Variants in ZDBF2 observed in about 807,000 individuals in gnomAD.
ZDBF2 encodes the protein DBF4-type zinc finger-containing protein 2.
ZDBF2 carries 6 observed loss-of-function variants against 9.4 expected under a neutral mutation model. The observed-to-expected ratio is 0.64, with a 90% CI of 0.35 to 1.27. The LOEUF is 1.27. Among genes scored for constraint, ZDBF2 ranks in the 50% most tolerant of loss-of-function variants. ZDBF2 has a pLI of 0.03. For missense variants in ZDBF2, 2,697 were observed against 2,766.8 expected (o/e 0.97, Z 0.57); for synonymous variants, 905 against 946.3 (o/e 0.96, Z 0.80).
chr2:206,290,644 A>T (rs762803424), intron 3 of ZDBF2, among the ~76,000 whole-genome samples: 10 of 152,052 alleles, frequency 6.6e-5, no homozygotes, highest in Non-Finnish European at 1.5e-4. Context: ...TTCATTTTGG[A>T]TTGTTTATTG....
chr2:206,299,163 G>A (rs988176109), intron 4 of ZDBF2, among the ~76,000 whole-genome samples: 12 of 152,128 alleles, frequency 7.9e-5, no homozygotes, highest in Non-Finnish European at 1.5e-4. Context: ...TTACAGGCGT[G>A]AGCCAACACG....
Position 206,310,827 on chromosome 2 carries a change from A to G in ZDBF2, c.6299A>G (p.Gln2100Arg), listed in dbSNP as rs767732504. The part of the protein sequence containing the change: ...SSAGDNDADG[Q>R]GSASAPLMAV... ...GCAGGAGATAATGATGCTGATGGAC[A>G]AGGCTCTGCTTCAGCGCCTTTAATG... Residue 2100 changes from glutamine (Q) to arginine (R), a missense_variant, in exon 5 of 5, where the codon CAA (glutamine) becomes CGA (arginine). This residue lies in a region of ZDBF2 where 1,783 missense variants were observed against 1,776.5 expected (regional missense o/e 1.00). Transcript: ENST00000374423. 6.2e-7 allele frequency: 1 copy of G among 1,614,002 alleles called. No homozygotes were observed.
intron 4 of ZDBF2, among the ~76,000 whole-genome samples, chr2:206,301,594 TA>T (rs937683741): frequency 2.6e-5 from 4 of 151,964 alleles, no homozygotes; most frequent in Non-Finnish European, 5.9e-5. Flanking sequence ...TTCCTTGATT[TA>T]AAAAAAATCC....
Position 206,309,475 on chromosome 2 carries a change from A to G in ZDBF2, c.4947A>G (p.Lys1649=), listed in dbSNP as rs1693022591. Residue 1649 remains lysine (K), a synonymous_variant, in exon 5 of 5, where the codon AAA becomes AAG. Transcript: ENST00000374423. ...ESQGPDEKMV[K]YIDSEDKSCG... ...AAGGACCTGATGAGAAAATGGTGAA[A>G]TATATTGATTCAGAAGATAAGAGCT... 1 of 1,613,820 alleles carries G rather than the reference A, an allele frequency of 6.2e-7. No homozygotes were observed. The highest frequency in any genetic ancestry group is 8.5e-7 in the Non-Finnish European group (1 of 1,179,882).
chr2:206,307,073 AAAG>A lies in ZDBF2; in HGVS notation c.2549_2551del (p.Glu850del). ...AAATGATCACCCTGAAGTAGCTGTT[AAAG>A]AAGTAATTCAGAAAGAAGAGTACAT... On this transcript the variant is annotated inframe_deletion, in exon 5 of 5. Transcript: ENST00000374423. The A allele has an allele frequency of 6.2e-7, 1 of 1,611,846 alleles. No individual in the cohort carries two copies. Among genetic ancestry groups the A allele is most frequent in the Non-Finnish European group, 8.5e-7 (1 of 1,179,224 alleles).
chr2:206,304,864 A>T lies in ZDBF2; in HGVS notation c.336A>T (p.Glu112Asp). Residue 112 changes from glutamate (E) to aspartate (D), a missense_variant, in exon 5 of 5, where the codon GAA becomes GAT. Around this residue, in one of 3 missense-constraint regions of ZDBF2, gnomAD observed 910 missense variants for 973.6 expected, o/e 0.93. Coordinates refer to ENST00000374423, the MANE Select transcript of ZDBF2 (RefSeq NM_020923.3). ...AAGAGAGACCATCCGAGGTTTCAGA[A>T]CCTATTGAAGAGTTACATTCCAGAC... ...ATEERPSEVSEPIEELHSRPH... is the reference protein window; with the variant it reads ...ATEERPSEVSDPIEELHSRPH... The T allele has an allele frequency of 6.2e-7, 1 of 1,613,762 alleles. No homozygotes were observed. Among genetic ancestry groups the T allele is most frequent in the Non-Finnish European group, 8.5e-7 (1 of 1,179,790 alleles).
intron 3 of ZDBF2, among the ~76,000 whole-genome samples, chr2:206,296,212 T>G (rs1692169800): frequency 6.6e-6 from 1 of 152,176 alleles, no homozygotes; most frequent in Admixed American, 6.5e-5. Context: ...AAATATTAAA[T>G]GGAAAATTCC....
chr2:206,309,304 A>C lies in ZDBF2; in HGVS notation c.4776A>C (p.Ser1592=). 6.2e-7 allele frequency: 1 copy of C among 1,612,548 alleles called. No homozygotes were observed. Among genetic ancestry groups the C allele is most frequent in the Non-Finnish European group, 8.5e-7 (1 of 1,179,318 alleles). ...VRCNCKASTP[S]MTNQCKETFK... ...GTAATTGTAAAGCCTCTACTCCCTC[A>C]ATGACAAACCAATGCAAAGAGACTT... The change falls in exon 5 of 5, where the codon TCA becomes TCC. Residue 1592 remains serine (S), a synonymous_variant. Transcript: ENST00000374423.
chr2:206,280,551 T>C (rs1193370563), intron 2 of ZDBF2, among the ~76,000 whole-genome samples: 1 of 152,204 alleles, frequency 6.6e-6, no homozygotes, highest in African/African-American at 2.4e-5. Context: ...TTGCTGTAGG[T>C]TAATAAGTGA....
At chr2:206,300,572 G>A (rs1369216581) in intron 4 of ZDBF2, among the ~76,000 whole-genome samples, 8 of 152,128 alleles carry the variant, frequency 5.3e-5, no homozygotes, top group Non-Finnish European at 1.0e-4. Context: ...TGTCATTTTG[G>A]GTGATGTTAG....
At position 206,305,714 on chromosome 2, in the gene ZDBF2, G is replaced by A; in HGVS notation, c.1186G>A (p.Glu396Lys). ...TTGGAAGGAGGAGCAAATTGACCAA[G>A]AAGATAACTATGAGTCTAGAGGTTC... ...SLWKEEQIDQEDNYESRGSEM... is the reference protein window; with the variant it reads ...SLWKEEQIDQKDNYESRGSEM... Residue 396 changes from glutamate (E) to lysine (K), a missense_variant, in exon 5 of 5, where the codon GAA becomes AAA. Glu to Lys is a moderately conservative substitution (Grantham distance 56). Transcript: ENST00000374423. 1 of 1,613,764 alleles carries A rather than the reference G, an allele frequency of 6.2e-7. No homozygotes were observed. Among genetic ancestry groups the A allele is most frequent in the Non-Finnish European group, 8.5e-7 (1 of 1,179,796 alleles).
At chr2:206,278,151 G>A (rs942785135) in intron 1 of ZDBF2, among the ~76,000 whole-genome samples, 1 of 151,908 alleles carries the variant, frequency 6.6e-6, no homozygotes, top group African/African-American at 2.4e-5. Flanking sequence ...GTTAATGGTG[G>A]GTAGATTATG....
chr2:206,306,278 G>C lies in ZDBF2; in HGVS notation c.1750G>C (p.Asp584His). 1 of 1,613,622 alleles carries C rather than the reference G, an allele frequency of 6.2e-7. No homozygotes were observed. Among genetic ancestry groups the C allele is most frequent in the Non-Finnish European group, 8.5e-7 (1 of 1,179,776 alleles). ...ATCGAGTTGTTCTGAAACAAGTTTTGATTGTGATGTTTCTCTTGAGTCAGT... is the reference window on the plus strand; with the variant it reads ...ATCGAGTTGTTCTGAAACAAGTTTTCATTGTGATGTTTCTCTTGAGTCAGT... ...YGSSCSETSFDCDVSLESVVD... is the reference protein window; with the variant it reads ...YGSSCSETSFHCDVSLESVVD... The change falls in exon 5 of 5, where the codon GAT becomes CAT. Residue 584 changes from aspartate to histidine, a missense_variant. This residue lies in a region of ZDBF2 where 910 missense variants were observed against 973.6 expected (regional missense o/e 0.93). Transcript: ENST00000374423.
rs920520982 is a variant in ZDBF2 at position 206,305,517 on chromosome 2, A to G, written c.989A>G (p.His330Arg). ...GIFEDTIAKN[H>R]EEFFSNMDCT... ...TTTGAAGATACTATTGCAAAGAACC[A>G]TGAGGAATTCTTTTCTAACATGGAT... is the stretch of plus-strand genomic sequence containing the variant. The change falls in exon 5 of 5, where the codon CAT (histidine) becomes CGT (arginine). Residue 330 changes from histidine (H) to arginine (R), a missense_variant. Around this residue, in one of 3 missense-constraint regions of ZDBF2, gnomAD observed 910 missense variants for 973.6 expected, o/e 0.93. Transcript: ENST00000374423. The G allele has an allele frequency of 4.3e-6, 7 of 1,613,450 alleles. No homozygotes were observed. The highest frequency in any genetic ancestry group is 2.2e-5 in the South Asian group (2 of 91,030).
intron 3 of ZDBF2, among the ~76,000 whole-genome samples, chr2:206,283,507 T>A (rs1420178084): frequency 1.3e-5 from 2 of 152,196 alleles, no homozygotes; most frequent in Non-Finnish European, 2.9e-5. Flanking sequence ...CATTTGTATA[T>A]CTTGTTTAGA....
chr2:206,307,752 C>T lies in ZDBF2; in HGVS notation c.3224C>T (p.Ser1075Leu). Residue 1075 changes from serine (S) to leucine (L), a missense_variant, in exon 5 of 5, where the codon TCA becomes TTA. Ser to Leu is a moderately radical substitution (Grantham distance 145). Around this residue, in one of 3 missense-constraint regions of ZDBF2, gnomAD observed 1,783 missense variants for 1,776.5 expected, o/e 1.00. Transcript: ENST00000374423. ...HVNLKDKNSK[S>L]GDSKITFDSE... ...AATCTGAAGGACAAAAACAGTAAAT[C>T]AGGTGATTCTAAAATAACTTTTGAT... 6.2e-7 allele frequency: 1 copy of T among 1,612,554 alleles called. No individual in the cohort carries two copies. The highest frequency in any genetic ancestry group is 8.5e-7 in the Non-Finnish European group (1 of 1,179,528).
intron 3 of ZDBF2, among the ~76,000 whole-genome samples, chr2:206,294,009 T>C (rs1053870964): frequency 6.6e-6 from 1 of 151,578 alleles, no homozygotes; most frequent in Non-Finnish European, 1.5e-5. Flanking sequence ...CCATCAAGAG[T>C]AGAATGAATA....
intron 3 of ZDBF2, among the ~76,000 whole-genome samples, chr2:206,285,294 A>G (rs1424144200): frequency 1.3e-5 from 2 of 152,110 alleles, no homozygotes; most frequent in Non-Finnish European, 1.5e-5. Context: ...CCTTCTCTGC[A>G]TCCTTGCCAG....
At chr2:206,282,460 C>T (rs2105900810) in intron 3 of ZDBF2, among the ~76,000 whole-genome samples, 1 of 152,206 alleles carries the variant, frequency 6.6e-6, no homozygotes, top group East Asian at 1.9e-4. Flanking sequence ...GGTATATGGG[C>T]TTGTTTGTTA....
Sources: gnomAD v4.1 joint callset for allele counts (sites outside exome capture counted in the v4.1 genomes callset) on GRCh38, gnomAD v4.1.1 for gene constraint, gnomAD v4.1.1 regional missense constraint, MANE v1.5 for transcripts, NCBI Gene and HGNC (gene_info 2026-07-23, HGNC 2026-07-21) for gene names.